Variants in RECQL observed in about 807,000 individuals in gnomAD.
RECQL encodes ATP-dependent DNA helicase Q1.
In RECQL, 73 loss-of-function variants were observed where a neutral mutation model predicts 75.8. The ratio of observed to expected loss-of-function variants is 0.96; its 90% CI spans 0.80 to 1.17. The LOEUF is 1.17. Among genes scored for constraint, RECQL ranks in the 50% most tolerant of loss-of-function variants. The probability of loss-of-function intolerance (pLI) is 0.00; values close to 1 mark genes in which losing one functional copy is unlikely to be tolerated. For missense variants in RECQL, 699 were observed against 772.1 expected (o/e 0.91, Z 1.12); for synonymous variants, 248 against 254.4 (o/e 0.97, Z 0.24).
At chr12:21,499,036 G>A (rs760757541) in intron 2 of RECQL, among the ~76,000 whole-genome samples, 5 of 152,132 alleles carry the variant, frequency 3.3e-5, no homozygotes, top group Admixed American at 1.3e-4. Flanking sequence ...ACCCAAAGAC[G>A]AATAAAGATA....
rs10841832 is a variant in RECQL, at chr12:21,475,402, G to A, written c.1216+66C>T. The A allele has an allele frequency of 0.48, 449,810 of 928,332 alleles. 109,664 individuals are homozygous for A. The highest frequency in any genetic ancestry group is 0.56 in the East Asian group (23,148 of 41,392). 57.5% of individuals were successfully genotyped at this position (928,332 alleles called of 1,614,324 possible). On this transcript the variant is annotated intron_variant, in intron 10 of 14. Transcript: ENST00000444129. Reference sequence around the variant, plus strand: ...AAGATAAAACATACAGACTTATTAAGCATTTATCATGTATTTTTTGGAAAA... The same window carrying A: ...AAGATAAAACATACAGACTTATTAAACATTTATCATGTATTTTTTGGAAAA...
intron 4 of RECQL, among the ~76,000 whole-genome samples, chr12:21,487,718 C>A (rs1943332328): frequency 6.6e-6 from 1 of 152,132 alleles, no homozygotes; most frequent in African/African-American, 2.4e-5. Context: ...AAGTTGGTAT[C>A]CCCACAGAAG....
chr12:21,481,814 A>T (rs899920433), intron 6 of RECQL, among the ~76,000 whole-genome samples: 66 of 152,192 alleles, frequency 4.3e-4, no homozygotes, highest in African/African-American at 1.5e-3. Context: ...AAGGGAAGAC[A>T]CTGAACAGCA....
Position 21,471,496 on chromosome 12 carries a change from C to T in RECQL, c.1599G>A (p.Val533=), listed in dbSNP as rs1565561655. 2 of 1,613,132 alleles carry T rather than the reference C, an allele frequency of 1.2e-6. No individual in the cohort carries two copies. The highest frequency in any genetic ancestry group is 1.1e-5 in the South Asian group (1 of 91,030). The change falls in exon 13 of 15, where the codon GTG becomes GTA. Residue 533 remains valine (V), a synonymous_variant. Transcript: ENST00000444129. ...GATCTTCACGAGGAAGTGTGGGAGC[C>T]ACAACACCTGCTACTCTCAGTTTTG... ...GAAKLRVAGV[V]APTLPREDLE...
At chr12:21,487,984 T>C (rs1361137537) in intron 4 of RECQL, among the ~76,000 whole-genome samples, 1 of 152,230 alleles carries the variant, frequency 6.6e-6, no homozygotes, top group Non-Finnish European at 1.5e-5. Flanking sequence ...GCAGCTGGAA[T>C]AGACTAAGAT....
At position 21,499,582 on chromosome 12, in the gene RECQL, C is replaced by T. The variant is rs764110240; in HGVS notation, c.-12G>A. 1.9e-6 allele frequency: 3 copies of T among 1,588,476 alleles called. No individual in the cohort carries two copies. Among genetic ancestry groups the T allele is most frequent in the Admixed American group, 1.8e-5 (1 of 55,172 alleles). ...GAAACGGACGCCATTCTTTTTCTTT[C>T]CAAATTTGTTTCTAAAATAATCCAA... On this transcript the variant is annotated 5_prime_UTR_variant, in exon 2 of 15. Coordinates refer to ENST00000444129, the MANE Select transcript of RECQL (RefSeq NM_002907.4).
chr12:21,481,433 C>T (rs1333320928), intron 6 of RECQL, among the ~76,000 whole-genome samples: 2 of 151,994 alleles, frequency 1.3e-5, no homozygotes, highest in Non-Finnish European at 1.5e-5. Context: ...CAACATAAGT[C>T]ATGGTAATAC....
chr12:21,490,331 T>G lies in RECQL; in HGVS notation c.262A>C (p.Lys88Gln). 1 of 1,612,912 alleles carries G rather than the reference T, an allele frequency of 6.2e-7. No homozygotes were observed. Among genetic ancestry groups the G allele is most frequent in the Non-Finnish European group, 8.5e-7 (1 of 1,179,244 alleles). Residue 88 changes from lysine to glutamine, a missense_variant, in exon 4 of 15, where the codon AAA (lysine) becomes CAA (glutamine). Coordinates refer to ENST00000444129, the MANE Select transcript of RECQL (RefSeq NM_002907.4). ...TGAAGTGGTCTGAACTTTTCCAGTT[T>G]AAAGACATTTTGCAGAATATCTTTA... Reference protein sequence around the residue: ...KVKDILQNVFKLEKFRPLQLE... With the variant: ...KVKDILQNVFQLEKFRPLQLE...
In RECQL at chr12:21,469,635, A is replaced by T. The variant is rs1942881407; in HGVS notation, c.*559T>A. 6.6e-6 allele frequency: 1 copy of T among 151,020 alleles called. No homozygotes were observed. The highest frequency in any genetic ancestry group is 1.5e-5 in the Non-Finnish European group (1 of 67,850). The allele number at this position is 151,020 out of a possible 1,614,324, so 9.4% of individuals were successfully genotyped here. A position where few individuals can be genotyped will look rare whatever the true frequency, so the allele number is the denominator to read the frequency against. ...AGACAATTACATGAACTTATTCTCA[A>T]ATATTTTACATTTTTTGTAAACTTT... On this transcript the variant is annotated 3_prime_UTR_variant, in exon 15 of 15. Transcript: ENST00000444129.
At chr12:21,496,975 G>A (rs979822045) in intron 2 of RECQL, among the ~76,000 whole-genome samples, 1 of 152,222 alleles carries the variant, frequency 6.6e-6, no homozygotes, top group African/African-American at 2.4e-5. Flanking sequence ...TTGGCCTATA[G>A]ATGAGTCACA....
chr12:21,499,800 T>C (rs937839684), intron 1 of RECQL, among the ~76,000 whole-genome samples, 185 bp from the exon 2 acceptor site: 4 of 152,226 alleles, frequency 2.6e-5, no homozygotes, highest in African/African-American at 9.6e-5. Flanking sequence ...GAAAACTCTA[T>C]ATTTCAGCTT....
At position 21,491,511 on chromosome 12, in the gene RECQL, A is replaced by G; in HGVS notation, c.214+8T>C. The stretch of plus-strand genomic sequence containing the variant: ...AAAACTAGCAAAAAAAAAAAAAAAA[A>G]AGTTAACCTTCTTTATTCCAAGCGG... On this transcript the variant is annotated splice_region_variant and intron_variant, in intron 3 of 14. Transcript: ENST00000444129. 3 of 1,570,206 alleles carry G rather than the reference A, an allele frequency of 1.9e-6. No homozygotes were observed. The East Asian group carries it at 6.7e-5, about 35-fold the overall frequency.
chr12:21,491,803 T>C (rs1237305083), intron 2 of RECQL, 87 bp from the exon 3 acceptor site: 3 of 1,191,790 alleles, frequency 2.5e-6, no homozygotes, highest in East Asian at 5.0e-5. Flanking sequence ...TTGCCCGCCA[T>C]ATCAATTACA....
At chr12:21,478,511 A>C (rs1943129614) in intron 6 of RECQL, among the ~76,000 whole-genome samples, 5 of 152,218 alleles carry the variant, frequency 3.3e-5, no homozygotes, top group Admixed American at 3.3e-4. Context: ...TCAAGGAGAT[A>C]ATACTTGAGT....
At chr12:21,485,164 A>G (rs1943265863) in intron 5 of RECQL, among the ~76,000 whole-genome samples, 1 of 150,570 alleles carries the variant, frequency 6.6e-6, no homozygotes, top group African/African-American at 2.4e-5. Flanking sequence ...AAAGATAACC[A>G]GGTACTATGT....
At position 21,483,451 on chromosome 12, in the gene RECQL, C is replaced by T. The variant is rs1330844298; in HGVS notation, c.625G>A (p.Glu209Lys). 1.2e-6 allele frequency: 2 copies of T among 1,606,118 alleles called. No individual in the cohort carries two copies. The highest frequency in any genetic ancestry group is 1.7e-5 in the Admixed American group (1 of 57,178). ...MFMSRLEKAY[E>K]ARRFTRIAVD... The stretch of plus-strand genomic sequence containing the variant: ...GCAATTCGAGTAAATCTCCTTGCTT[C>T]ATAGGCTTTCTCTAGTCTTGACATA... The change falls in exon 6 of 15, where the codon GAA becomes AAA. Residue 209 changes from glutamate (E) to lysine (K), a missense_variant. Coordinates refer to ENST00000444129, the MANE Select transcript of RECQL (RefSeq NM_002907.4).
At position 21,489,088 on chromosome 12, in the gene RECQL, C is replaced by T. The variant is rs139653529; in HGVS notation, c.394+1111G>A. Among the ~76,000 whole-genome samples the T allele has an allele frequency of 3.8e-4, 58 of 152,302 alleles. No homozygotes were observed. In the East Asian group the frequency reaches 0.011, roughly 28 times the overall value. On this transcript the variant is annotated intron_variant, in intron 4 of 14. Coordinates refer to ENST00000444129, the MANE Select transcript of RECQL (RefSeq NM_002907.4). Reference sequence around the variant, plus strand: ...TTCCCTGACAGCCCCTAGACCAGATCTTTGTACAGACTTAATTCCCTATTA... The same window carrying T: ...TTCCCTGACAGCCCCTAGACCAGATTTTTGTACAGACTTAATTCCCTATTA...
At chr12:21,470,526 G>T (rs1355942036) in intron 14 of RECQL, 180 bp from the exon 15 acceptor site, 2 of 989,174 alleles carry the variant, frequency 2.0e-6, no homozygotes, top group African/African-American at 3.3e-5. Flanking sequence ...TTGAATAAAA[G>T]GGGCTACGTT....
intron 11 of RECQL, among the ~76,000 whole-genome samples, chr12:21,474,425 A>C (rs1943042571): frequency 1.3e-5 from 2 of 152,056 alleles, no homozygotes; most frequent in East Asian, 3.9e-4. Context: ...GTAGATTTAA[A>C]CTTACTTCTT....
Sources: allele counts gnomAD v4.1 joint callset (sites outside exome capture counted in the v4.1 genomes callset), GRCh38; gene constraint gnomAD v4.1.1; transcripts MANE v1.5; gene names NCBI Gene and HGNC (gene_info 2026-07-23, HGNC 2026-07-21).